S100A8: variants seen among roughly 807,000 people sequenced by gnomAD.
The protein encoded by S100A8 is S100 calcium binding protein A8, also known as protein S100-A8.
S100A8 carries 1 observed loss-of-function variant against 4.2 expected under a neutral mutation model. That is an observed-to-expected ratio of 0.24 (90% CI 0.08 to 1.12). S100A8 has a LOEUF of 1.12. S100A8 is among the 50% of genes most tolerant of loss of function. The pLI is 0.53. For missense variants in S100A8, 96 were observed against 111.8 expected, an observed-to-expected ratio of 0.86 and a Z score of 0.64; for synonymous variants, 41 against 44.7, an observed-to-expected ratio of 0.92 and a Z score of 0.33.
chr1:153,399,431 G>A, the S100A8 span, among the ~76,000 whole-genome samples: 1 of 152,142 alleles, frequency 6.6e-6, no homozygotes, highest in African/African-American at 2.4e-5. Context: ...CTCAGAGCTT[G>A]TCCTCTCAGC....
Position 153,390,481 on chromosome 1 carries a change from A to G in S100A8, c.55T>C (p.Tyr19His). Residue 19 changes from tyrosine (Y) to histidine (H), a missense_variant, in exon 2 of 3, where the codon TAC becomes CAC. Tyr to His is a moderately conservative substitution (Grantham distance 83). Transcript: ENST00000368733. ...TGGAAATTCCCCTTTATCAGGGAGTACTTGTGGTAGACGTCGATGATAGAG... is the reference window on the plus strand; with the variant it reads ...TGGAAATTCCCCTTTATCAGGGAGTGCTTGTGGTAGACGTCGATGATAGAG... ...LNSIIDVYHKYSLIKGNFHAV... is the reference protein window; with the variant it reads ...LNSIIDVYHKHSLIKGNFHAV... The G allele has an allele frequency of 6.2e-7, 1 of 1,614,164 alleles. No homozygotes were observed. The highest frequency in any genetic ancestry group is 2.2e-5 in the East Asian group (1 of 44,876).
At chr1:153,421,483 T>A in the S100A8 span, 1 of 152,224 alleles carries the variant, frequency 6.6e-6, no homozygotes, top group East Asian at 1.9e-4. Flanking sequence ...TCTATATCAT[T>A]TTTCAATATA....
the S100A8 span, among the ~76,000 whole-genome samples, chr1:153,414,469 C>A: frequency 6.6e-6 from 1 of 152,156 alleles, no homozygotes; most frequent in Non-Finnish European, 1.5e-5. Flanking sequence ...GACATCTCAT[C>A]AAAGAAGATA....
chr1:153,421,421 C>A, the S100A8 span: 2 of 152,356 alleles, frequency 1.3e-5, no homozygotes, highest in African/African-American at 2.4e-5. Context: ...TACCTCGGAT[C>A]TCCTGGTTAC....
the S100A8 span, among the ~76,000 whole-genome samples, chr1:153,400,831 C>T: frequency 6.6e-6 from 1 of 152,186 alleles, no homozygotes; most frequent in African/African-American, 2.4e-5. Context: ...AAATGTCCAC[C>T]ATTGCAATAT....
chr1:153,403,049 T>C, the S100A8 span, among the ~76,000 whole-genome samples: 1 of 152,232 alleles, frequency 6.6e-6, no homozygotes, highest in Non-Finnish European at 1.5e-5. Flanking sequence ...TGGATGCTCA[T>C]GCTCATGAAA....
chr1:153,405,357 C>A, the S100A8 span, among the ~76,000 whole-genome samples: 3,485 of 149,816 alleles, frequency 0.023, 39 homozygotes, highest in African/African-American at 0.081. Flanking sequence ...CAAACTGCAC[C>A]ATTTTGTAAG....
the S100A8 span, among the ~76,000 whole-genome samples, chr1:153,400,433 T>A: frequency 6.6e-6 from 1 of 151,974 alleles, no homozygotes; most frequent in South Asian, 2.1e-4. Context: ...TGGCCCCATT[T>A]CACCCCACAC....
chr1:153,419,545 G>A, the S100A8 span: 1 of 568,134 alleles, frequency 1.8e-6, no homozygotes, highest in Non-Finnish European at 3.1e-6. Flanking sequence ...CTCTCACACA[G>A]GTCCTGGTGT....
At chr1:153,399,072 G>A in the S100A8 span, among the ~76,000 whole-genome samples, 14 of 152,306 alleles carry the variant, frequency 9.2e-5, no homozygotes, top group South Asian at 2.9e-3. Flanking sequence ...TCTCTTGGAA[G>A]AGGCACTGAC....
At chr1:153,421,057 A>G in the S100A8 span, 1 of 152,184 alleles carries the variant, frequency 6.6e-6, no homozygotes, top group Admixed American at 6.5e-5. Flanking sequence ...GCACTCTCTG[A>G]ATCCCTCCTA....
the S100A8 span, chr1:153,419,558 G>C: frequency 2.0e-6 from 1 of 510,858 alleles, no homozygotes; most frequent in South Asian, 3.2e-5. Flanking sequence ...CCTGGTGTCT[G>C]CCTCTGCACC....
At chr1:153,395,593 C>T (rs529745436), upstream of S100A8, among the ~76,000 whole-genome samples, 6 of 152,286 alleles carry the variant, frequency 3.9e-5, no homozygotes, top group African/African-American at 1.4e-4. Flanking sequence ...TTCCTCCACC[C>T]CAAACCCCTA....
the S100A8 span, among the ~76,000 whole-genome samples, chr1:153,411,007 A>C: frequency 6.6e-6 from 1 of 152,204 alleles, no homozygotes; most frequent in Non-Finnish European, 1.5e-5. Flanking sequence ...TTTATGACAA[A>C]CCCACAGCCA....
At chr1:153,402,059 G>C in the S100A8 span, among the ~76,000 whole-genome samples, 2 of 152,168 alleles carry the variant, frequency 1.3e-5, 1 homozygote, top group Non-Finnish European at 2.9e-5. Context: ...ATGTGATAAA[G>C]AGAAAGAAAG....
At chr1:153,404,334 G>A in the S100A8 span, among the ~76,000 whole-genome samples, 3 of 152,214 alleles carry the variant, frequency 2.0e-5, no homozygotes, top group Non-Finnish European at 4.4e-5. Flanking sequence ...GGCCCAGTGT[G>A]GGGCTGAAAG....
At chr1:153,392,461 T>A (rs149674851), upstream of S100A8, among the ~76,000 whole-genome samples, 44 of 152,356 alleles carry the variant, frequency 2.9e-4, no homozygotes, top group African/African-American at 1.0e-3. Context: ...AATTACCATA[T>A]GATCCATCAT....
At chr1:153,420,791 C>G in the S100A8 span, 1 of 152,340 alleles carries the variant, frequency 6.6e-6, no homozygotes, top group South Asian at 2.1e-4. Context: ...AGTCCCTGGG[C>G]TTTCATTTTC....
the S100A8 span, among the ~76,000 whole-genome samples, chr1:153,404,100 G>A: frequency 6.6e-6 from 1 of 152,166 alleles, no homozygotes; most frequent in Non-Finnish European, 1.5e-5. Flanking sequence ...TACAACTCAG[G>A]AAAAGCCACG....
Sources: allele counts gnomAD v4.1 joint callset (sites outside exome capture counted in the v4.1 genomes callset), GRCh38; gene constraint gnomAD v4.1.1; transcripts MANE v1.5; gene names NCBI Gene and HGNC (gene_info 2026-07-23, HGNC 2026-07-21).